TENM2: variants seen among roughly 807,000 people sequenced by gnomAD.
The protein encoded by TENM2 is teneurin-2.
TENM2 carries 52 observed loss-of-function variants against 245.2 expected under a neutral mutation model. The observed-to-expected ratio is 0.21, with a 90% CI of 0.17 to 0.27. TENM2 has a LOEUF of 0.27. TENM2 is among the 10% of genes least tolerant of loss of function. TENM2 has a pLI of 1.00. For missense variants in TENM2, 3,046 were observed against 3,666.8 expected (o/e 0.83, Z 4.37); for synonymous variants, 1,363 against 1,438.9 (o/e 0.95, Z 1.19).
In TENM2 at chr5:167,905,034, TAGTC is replaced by T. The variant is rs529029986; in HGVS notation, c.712+28842_712+28845del. On this transcript the variant is annotated intron_variant, in intron 3 of 28. Coordinates refer to ENST00000518659, the Ensembl canonical transcript of TENM2. The stretch of plus-strand genomic sequence containing the variant: ...TATATTTCAGGATATGGTTATAGGA[TAGTC>T]AGACAGCATTTCATAAAACACATGA... Among the ~76,000 whole-genome samples the T allele has an allele frequency of 7.9e-5, 12 of 152,316 alleles. No individual in the cohort carries two copies. The South Asian group carries it at 2.5e-3, about 32-fold the overall frequency.
At chr5:167,363,486 C>G (rs182230847) in intron 1 of TENM2, among the ~76,000 whole-genome samples, 1 of 152,158 alleles carries the variant, frequency 6.6e-6, no homozygotes, top group Non-Finnish European at 1.5e-5. Context: ...AATTCCAGCA[C>G]TTTGGGAGGT....
chr5:167,143,593 A>G, the TENM2 span, among the ~76,000 whole-genome samples: 1 of 152,196 alleles, frequency 6.6e-6, no homozygotes, highest in Non-Finnish European at 1.5e-5. Context: ...GGGAAAAAGC[A>G]TGAAGTGGTT....
chr5:167,553,666 T>G (rs1411422787), intron 2 of TENM2, among the ~76,000 whole-genome samples: 1 of 152,202 alleles, frequency 6.6e-6, no homozygotes, highest in Non-Finnish European at 1.5e-5. Flanking sequence ...GCATGCCTTC[T>G]GCACAGCTGA....
intron 9 of TENM2, among the ~76,000 whole-genome samples, chr5:168,108,615 G>A (rs1794436162): frequency 6.6e-6 from 1 of 152,156 alleles, no homozygotes; most frequent in South Asian, 2.1e-4. Context: ...CTTAGAGAAA[G>A]TAAGCTACTT....
chr5:168,209,740 C>T (rs188230220), intron 19 of TENM2, among the ~76,000 whole-genome samples: 1 of 152,360 alleles, frequency 6.6e-6, no homozygotes, highest in East Asian at 1.9e-4. Flanking sequence ...GAAGCAGCCT[C>T]ATTCCTTGCT....
At chr5:167,422,548 A>G (rs2127426087) in intron 2 of TENM2, among the ~76,000 whole-genome samples, 1 of 152,314 alleles carries the variant, frequency 6.6e-6, no homozygotes, top group East Asian at 1.9e-4. Flanking sequence ...CTCTGTCCAC[A>G]TTGGAGTATT....
intron 5 of TENM2, among the ~76,000 whole-genome samples, chr5:168,017,994 C>T (rs975246741): frequency 5.6e-4 from 85 of 152,268 alleles, no homozygotes; most frequent in Non-Finnish European, 2.5e-4. Flanking sequence ...TCGTACTTTC[C>T]GGCCTCTGCA....
intron 2 of TENM2, among the ~76,000 whole-genome samples, chr5:167,705,787 C>T (rs1201074190): frequency 6.6e-6 from 1 of 151,812 alleles, no homozygotes; most frequent in East Asian, 1.9e-4. Context: ...TCCCCAGCCC[C>T]TGCAGTTTCC....
chr5:167,600,100 T>C (rs1314885964), intron 2 of TENM2, among the ~76,000 whole-genome samples: 3 of 21,984 alleles, frequency 1.4e-4, no homozygotes, highest in Non-Finnish European at 2.6e-4. Context: ...ATTTATAGGA[T>C]ACGTGGAACT....
intron 2 of TENM2, among the ~76,000 whole-genome samples, chr5:167,558,417 A>G (rs1773384413): frequency 6.6e-6 from 1 of 152,234 alleles, no homozygotes; most frequent in African/African-American, 2.4e-5. Flanking sequence ...GAAATTGTCT[A>G]AAGCAAGGGT....
chr5:168,116,774 C>T (rs1029508427), intron 9 of TENM2, among the ~76,000 whole-genome samples: 30 of 152,126 alleles, frequency 2.0e-4, no homozygotes, highest in African/African-American at 6.5e-4. Context: ...ATTCATGAGG[C>T]TGGGTGGGGC....
At chr5:168,257,914 A>G (rs997402584) in intron 27 of TENM2, among the ~76,000 whole-genome samples, 2 of 151,966 alleles carry the variant, frequency 1.3e-5, no homozygotes, top group African/African-American at 4.8e-5. Flanking sequence ...GTGCCCGGCC[A>G]GCTCCTGATT....
chr5:167,942,318 G>A (rs1358813754), intron 3 of TENM2, among the ~76,000 whole-genome samples: 6 of 152,160 alleles, frequency 3.9e-5, no homozygotes, highest in Non-Finnish European at 7.3e-5. Flanking sequence ...TTTAAACGTA[G>A]TATCTCATTT....
chr5:168,219,095 C>T (rs905590570), intron 23 of TENM2, 96 bp downstream of exon 25: 2 of 1,256,694 alleles, frequency 1.6e-6, no homozygotes, highest in Non-Finnish European at 1.1e-6. Flanking sequence ...ATTGCTTTGT[C>T]ACGTTGTCTT....
At chr5:167,770,228 G>C (rs541169571) in intron 2 of TENM2, among the ~76,000 whole-genome samples, 3 of 152,196 alleles carry the variant, frequency 2.0e-5, no homozygotes, top group Admixed American at 2.0e-4. Context: ...TGATGTAGTC[G>C]TGGGAATCAA....
the TENM2 span, among the ~76,000 whole-genome samples, chr5:167,190,151 T>C: frequency 0.017 from 2,637 of 152,156 alleles, 39 homozygotes; most frequent in Non-Finnish European, 0.025. Flanking sequence ...GATCTTGGAG[T>C]TGGAGAGTCA....
the TENM2 span, among the ~76,000 whole-genome samples, chr5:167,207,659 C>T: frequency 5.3e-5 from 8 of 152,156 alleles, no homozygotes; most frequent in East Asian, 3.9e-4. Flanking sequence ...ATGACTTCCT[C>T]GTGCCTTAGT....
the TENM2 span, among the ~76,000 whole-genome samples, chr5:167,017,602 A>G: frequency 3.3e-5 from 5 of 152,192 alleles, no homozygotes; most frequent in Non-Finnish European, 7.3e-5. Context: ...TTCTGAGTTT[A>G]TACACTGGTA....
chr5:167,619,575 C>T (rs1778022445), intron 2 of TENM2, among the ~76,000 whole-genome samples: 1 of 152,114 alleles, frequency 6.6e-6, no homozygotes, highest in Admixed American at 6.6e-5. Context: ...CCCTACATTC[C>T]CTCATCTGTA....
Sources: allele counts gnomAD v4.1 joint callset (sites outside exome capture counted in the v4.1 genomes callset), GRCh38; gene constraint gnomAD v4.1.1; transcripts MANE v1.5; gene names NCBI Gene and HGNC (gene_info 2026-07-23, HGNC 2026-07-21).